Variants in SHTN1 observed in about 807,000 individuals in gnomAD.
SHTN1 encodes the protein shootin-1.
In SHTN1, 42 loss-of-function variants were observed where a neutral mutation model predicts 83.1. The ratio of observed to expected loss-of-function variants is 0.51; its 90% confidence interval spans 0.39 to 0.65. SHTN1 has a LOEUF of 0.65. SHTN1 is among the 30% of genes least tolerant of loss of function. The pLI is 0.00. For missense variants in SHTN1, 622 were observed against 737.8 expected (o/e 0.84, Z 1.82); for synonymous variants, 224 against 247.7 (o/e 0.90, Z 0.90).
chr10:117,002,014 G>A (rs905732545), intron 1 of SHTN1, among the ~76,000 whole-genome samples: 1 of 152,154 alleles, frequency 6.6e-6, no homozygotes, highest in African/African-American at 2.4e-5. Flanking sequence ...CCATTAGATT[G>A]GCAAAAATTC....
chr10:116,989,069 T>TA (rs953247071), intron 1 of SHTN1, among the ~76,000 whole-genome samples: 29 of 151,010 alleles, frequency 1.9e-4, no homozygotes, highest in Admixed American at 6.6e-4. Flanking sequence ...TTATGTCAGT[T>TA]AAAAAAAAAC....
intron 1 of SHTN1, among the ~76,000 whole-genome samples, chr10:117,051,866 G>A (rs907577754): frequency 6.6e-6 from 1 of 151,366 alleles, no homozygotes; most frequent in African/African-American, 2.4e-5. Flanking sequence ...AGACATGGAT[G>A]ATAGCTTTTA....
intron 15 of SHTN1, among the ~76,000 whole-genome samples, chr10:116,903,863 A>G (rs1847852684): frequency 2.0e-5 from 3 of 152,206 alleles, no homozygotes; most frequent in Admixed American, 2.0e-4. Flanking sequence ...ATTTTAAAAA[A>G]TGTACACCGT....
chr10:116,963,030 TAA>T (rs1402744802), intron 3 of SHTN1, among the ~76,000 whole-genome samples: 1 of 122,386 alleles, frequency 8.2e-6, no homozygotes, highest in Non-Finnish European at 1.7e-5. Flanking sequence ...TTTTGAATAA[TAA>T]AAGTTTTTTT....
rs1564857859 is a variant in SHTN1 at position 116,885,444 on chromosome 10, T to A, written c.*900A>T. The stretch of plus-strand genomic sequence containing the variant: ...TTTAGAGACTAACTACTGCTTAATT[T>A]CTTTTTTAAAAAAAACAACAACAAA... On this transcript the variant is annotated 3_prime_UTR_variant, in exon 17 of 17. Coordinates refer to ENST00000355371, the MANE Select transcript of SHTN1 (RefSeq NM_001127211.3). 1.3e-5 allele frequency: 2 copies of A among 152,616 alleles called. No homozygotes were observed. Among genetic ancestry groups the A allele is most frequent in the Admixed American group, 1.3e-4 (2 of 15,282 alleles). 9.5% of individuals were successfully genotyped at this position (152,616 alleles called of 1,614,324 possible).
rs17533065 is a variant in SHTN1 at position 116,921,289 on chromosome 10, C to T, written c.1195+145G>A. On this transcript the variant is annotated intron_variant, in intron 12 of 16. Coordinates refer to ENST00000355371, the MANE Select transcript of SHTN1 (RefSeq NM_001127211.3). ...ATAATAAACTACAGGAAGGCAATGA[C>T]GGTTACTGGTTCATTCTTACAGCTG... The T allele has an allele frequency of 9.2e-3, 5,402 of 584,800 alleles. 55 individuals carry two copies. The highest frequency in any genetic ancestry group is 0.013 in the Non-Finnish European group (4,218 of 326,740). 36.2% of individuals were successfully genotyped at this position (584,800 alleles called of 1,614,324 possible).
intron 3 of SHTN1, 25 bp from the exon 4 acceptor site, chr10:116,960,255 C>G: frequency 7.6e-7 from 1 of 1,314,410 alleles, no homozygotes; most frequent in Non-Finnish European, 1.1e-6. Flanking sequence ...GAAAAAAAAT[C>G]TCAGCATTCA....
chr10:117,096,626 C>T (rs1343130910), intron 1 of SHTN1, among the ~76,000 whole-genome samples: 3 of 152,200 alleles, frequency 2.0e-5, no homozygotes, highest in Non-Finnish European at 4.4e-5. Flanking sequence ...TATCCAAAAA[C>T]AGCATTTTCA....
chr10:117,058,585 T>C (rs1852857938), intron 1 of SHTN1, among the ~76,000 whole-genome samples: 2 of 152,120 alleles, frequency 1.3e-5, no homozygotes, highest in South Asian at 2.1e-4. Flanking sequence ...TGTGGAAATA[T>C]AAAATTGTGC....
At chr10:117,021,875 G>C (rs1477124144) in intron 2 of SHTN1, among the ~76,000 whole-genome samples, 1 of 152,168 alleles carries the variant, frequency 6.6e-6, no homozygotes, top group Non-Finnish European at 1.5e-5. Context: ...CTTAGCTAGG[G>C]AATAGGACCC....
chr10:116,919,444 T>G (rs1848480593), intron 12 of SHTN1, among the ~76,000 whole-genome samples: 1 of 152,176 alleles, frequency 6.6e-6, no homozygotes, highest in African/African-American at 2.4e-5. Flanking sequence ...CCCAAGGATG[T>G]GGGAGAAAAT....
chr10:116,926,043 T>C lies in SHTN1; in HGVS notation c.1112+1749A>G, dbSNP rs1050869147. Among the ~76,000 whole-genome samples, 31 of 152,298 alleles carry C rather than the reference T, an allele frequency of 2.0e-4. 1 individual carries two copies. The South Asian group carries it at 6.4e-3, about 32-fold the overall frequency. ...CTTTAAAAAATTATGTCCTATACTA[T>C]TTAAATTCATCTTAAAATAAAAATC... On this transcript the variant is annotated intron_variant, in intron 11 of 16. Transcript: ENST00000355371.
chr10:117,069,272 G>A (rs1313971439), intron 1 of SHTN1, among the ~76,000 whole-genome samples: 1 of 152,158 alleles, frequency 6.6e-6, no homozygotes, highest in East Asian at 1.9e-4. Flanking sequence ...AGGTTGCATC[G>A]ATCTTTACTG....
intron 1 of SHTN1, among the ~76,000 whole-genome samples, chr10:117,121,695 G>T (rs1025225092): frequency 9.9e-5 from 15 of 151,708 alleles, no homozygotes; most frequent in African/African-American, 3.1e-4. Flanking sequence ...AATGTAAAAT[G>T]GCATGGTATT....
At chr10:117,100,309 A>G (rs545698239) in intron 1 of SHTN1, among the ~76,000 whole-genome samples, 107 of 152,332 alleles carry the variant, frequency 7.0e-4, no homozygotes, top group African/African-American at 2.5e-3. Flanking sequence ...CACCTCATTC[A>G]TGATGTGTTT....
chr10:116,924,319 C>T (rs901814889), intron 11 of SHTN1, among the ~76,000 whole-genome samples: 3 of 150,370 alleles, frequency 2.0e-5, no homozygotes, highest in East Asian at 3.9e-4. Flanking sequence ...CTGACCTCGC[C>T]TCTCGTTCTG....
chr10:117,002,371 T>TC (rs1564925652), intron 1 of SHTN1, among the ~76,000 whole-genome samples: 1 of 152,154 alleles, frequency 6.6e-6, no homozygotes, highest in African/African-American at 2.4e-5. Context: ...TGGTACTTGA[T>TC]AAGTATTTGT....
At chr10:116,946,002 A>G (rs1849560595) in intron 7 of SHTN1, among the ~76,000 whole-genome samples, 1 of 152,154 alleles carries the variant, frequency 6.6e-6, no homozygotes, top group African/African-American at 2.4e-5. Flanking sequence ...ATAGAGTTCA[A>G]AAATATGCAA....
chr10:117,090,585 CAA>C (rs1259667466), intron 1 of SHTN1, among the ~76,000 whole-genome samples: 1 of 152,078 alleles, frequency 6.6e-6, no homozygotes, highest in Admixed American at 6.5e-5. Flanking sequence ...TGAAATAAAA[CAA>C]AACAATCACC....
Sources: gnomAD v4.1 joint callset for allele counts (sites outside exome capture counted in the v4.1 genomes callset) on GRCh38, gnomAD v4.1.1 for gene constraint, MANE v1.5 for transcripts, NCBI Gene and HGNC (gene_info 2026-07-23, HGNC 2026-07-21) for gene names.